Variants in FAM168B observed in about 807,000 individuals in gnomAD.
The protein encoded by FAM168B is family with sequence similarity 168 member B.
FAM168B carries 19 observed loss-of-function variants against 21.8 expected under a neutral mutation model. The ratio of observed to expected loss-of-function variants is 0.87; its 90% CI spans 0.61 to 1.28. FAM168B has a LOEUF of 1.28. Among genes scored for constraint, FAM168B ranks in the 50% most tolerant of loss-of-function variants. The pLI is 0.00. For missense variants in FAM168B, 233 were observed against 263.1 expected (o/e 0.89, Z 0.79); for synonymous variants, 126 against 104.8 (o/e 1.20, Z -1.24).
At chr2:131,064,091 G>A (rs1002255656) in intron 3 of FAM168B, among the ~76,000 whole-genome samples, 16 of 152,088 alleles carry the variant, frequency 1.1e-4, no homozygotes, top group Admixed American at 2.6e-4. Context: ...CCCAGGCGGC[G>A]CAGACAACAG....
chr2:131,066,807 C>T (rs1222957501), intron 3 of FAM168B, among the ~76,000 whole-genome samples: 2 of 152,192 alleles, frequency 1.3e-5, no homozygotes, highest in Non-Finnish European at 2.9e-5. Flanking sequence ...CTAGCTAACT[C>T]CACAATTCAA....
In FAM168B at chr2:131,053,030, A is replaced by C; in HGVS notation, c.476-15T>G. 6.5e-7 allele frequency: 1 copy of C among 1,545,070 alleles called. No homozygotes were observed. Among genetic ancestry groups the C allele is most frequent in the Non-Finnish European group, 8.7e-7 (1 of 1,144,178 alleles). On this transcript the variant is annotated splice_polypyrimidine_tract_variant and intron_variant, in intron 5 of 6. Transcript: ENST00000389915. Reference sequence around the variant, plus strand: ...CAGCAGGGTACCTGGAAGAAAGAGCAGCACATGACATGAGGCTGACCTCCT... The same window carrying C: ...CAGCAGGGTACCTGGAAGAAAGAGCCGCACATGACATGAGGCTGACCTCCT...
chr2:131,063,162 T>C (rs1692389843), intron 3 of FAM168B, among the ~76,000 whole-genome samples: 1 of 151,962 alleles, frequency 6.6e-6, no homozygotes, highest in Admixed American at 6.6e-5. Flanking sequence ...ACATCTGAAA[T>C]TTTTTAAATT....
At chr2:131,066,365 C>T (rs903035561) in intron 3 of FAM168B, among the ~76,000 whole-genome samples, 2 of 151,994 alleles carry the variant, frequency 1.3e-5, no homozygotes, top group Non-Finnish European at 1.5e-5. Context: ...TTAGTAGAGA[C>T]GGGGTTTCAC....
intron 1 of FAM168B, among the ~76,000 whole-genome samples, chr2:131,086,318 A>C (rs763533835): frequency 1.3e-5 from 2 of 152,198 alleles, no homozygotes; most frequent in Non-Finnish European, 2.9e-5. Context: ...CACTACACAA[A>C]GGCCACAGAG....
At chr2:131,091,370 T>C (rs753720149) in intron 1 of FAM168B, among the ~76,000 whole-genome samples, 2 of 150,124 alleles carry the variant, frequency 1.3e-5, no homozygotes, top group African/African-American at 2.5e-5. Context: ...AAATAAAGCA[T>C]ATAGGCCGAG....
chr2:131,055,126 C>A, intron 5 of FAM168B, 146 bp downstream of exon 5: 7 of 745,286 alleles, frequency 9.4e-6, no homozygotes, highest in Non-Finnish European at 1.9e-6. Context: ...AGATAACCTG[C>A]TGTTTCTTCC....
At chr2:131,068,312 C>CCACACT (rs1359034246) in intron 3 of FAM168B, among the ~76,000 whole-genome samples, 2 of 152,166 alleles carry the variant, frequency 1.3e-5, no homozygotes, top group Non-Finnish European at 2.9e-5. Flanking sequence ...GTGTGTGCCA[C>CCACACT]CACACTCGGC....
chr2:131,082,495 T>C (rs996471662), intron 2 of FAM168B, 82 bp downstream of exon 2: 1 of 952,450 alleles, frequency 1.0e-6, no homozygotes, highest in Non-Finnish European at 1.6e-6. Flanking sequence ...GCTGCGTTTG[T>C]CAATAGAAAG....
At chr2:131,083,564 A>G (rs2105575141) in intron 1 of FAM168B, among the ~76,000 whole-genome samples, 1 of 152,320 alleles carries the variant, frequency 6.6e-6, no homozygotes, top group East Asian at 1.9e-4. Context: ...GGAAAACCCT[A>G]CAAGTAACCA....
chr2:131,065,046 G>T (rs75305659), intron 3 of FAM168B, among the ~76,000 whole-genome samples: 2 of 152,192 alleles, frequency 1.3e-5, no homozygotes, highest in Admixed American at 1.3e-4. Context: ...ACACAGCCGT[G>T]AACAGTGCTG....
rs16856518 is a variant in FAM168B, at chr2:131,067,358, A to G, written c.154+4497T>C. Among the ~76,000 whole-genome samples the G allele has an allele frequency of 6.6e-4, 100 of 152,276 alleles. No individual in the cohort carries two copies. The East Asian group carries it at 0.013, about 19-fold the overall frequency. On this transcript the variant is annotated intron_variant, in intron 3 of 6. Coordinates refer to ENST00000389915, the MANE Select transcript of FAM168B (RefSeq NM_001009993.4). ...GGGCTAAGAAATACGTGGCATTTGG[A>G]TTACAAAAGTGCTCTGGAAGTCAGA...
At chr2:131,089,260 C>G (rs559090813) in intron 1 of FAM168B, among the ~76,000 whole-genome samples, 2 of 151,622 alleles carry the variant, frequency 1.3e-5, no homozygotes, top group Admixed American at 1.3e-4. Context: ...GCCACTGCAC[C>G]GGGCCGAGCT....
At chr2:131,059,937 T>C (rs1328288655) in intron 3 of FAM168B, among the ~76,000 whole-genome samples, 1 of 152,054 alleles carries the variant, frequency 6.6e-6, no homozygotes, top group Non-Finnish European at 1.5e-5. Context: ...AGATCAGCCA[T>C]AAGGTGGTAA....
intron 3 of FAM168B, among the ~76,000 whole-genome samples, chr2:131,069,565 C>T (rs1268818065): frequency 6.6e-6 from 1 of 152,040 alleles, no homozygotes; most frequent in East Asian, 1.9e-4. Context: ...GCAATCTCGG[C>T]TCACTGCAAG....
At chr2:131,055,128 G>T in intron 5 of FAM168B, 144 bp downstream of exon 5, 1 of 801,198 alleles carries the variant, frequency 1.2e-6, no homozygotes, top group Non-Finnish European at 1.8e-6. Context: ...ATAACCTGCT[G>T]TTTCTTCCCC....
chr2:131,082,019 C>T (rs1693454452), intron 2 of FAM168B, among the ~76,000 whole-genome samples: 2 of 152,174 alleles, frequency 1.3e-5, no homozygotes, highest in African/African-American at 4.8e-5. Flanking sequence ...CTATTTTTGA[C>T]CAACCAGCTC....
At chr2:131,077,212 TAAAAA>T (rs34175924) in intron 2 of FAM168B, among the ~76,000 whole-genome samples, 2 of 130,276 alleles carry the variant, frequency 1.5e-5, no homozygotes, top group African/African-American at 5.6e-5. Context: ...CTATTACATT[TAAAAA>T]AAAAAAAAAA....
At position 131,055,269 on chromosome 2, in the gene FAM168B, T is replaced by G; in HGVS notation, c.475+3A>C. On this transcript the variant is annotated splice_donor_region_variant and intron_variant, in intron 5 of 6. Coordinates refer to ENST00000389915, the MANE Select transcript of FAM168B (RefSeq NM_001009993.4). ...GACAGACACCGCAGGAACGAGGACT[T>G]ACCTGCTGACATGGCCATGGTGGTC... 1 of 1,556,776 alleles carries G rather than the reference T, an allele frequency of 6.4e-7. No individual in the cohort carries two copies. The highest frequency in any genetic ancestry group is 1.4e-5 in the African/African-American group (1 of 72,050).
Sources: allele counts gnomAD v4.1 joint callset (sites outside exome capture counted in the v4.1 genomes callset), GRCh38; gene constraint gnomAD v4.1.1; transcripts MANE v1.5; gene names NCBI Gene and HGNC (gene_info 2026-07-23, HGNC 2026-07-21).